Variants in TOX observed in about 807,000 individuals in gnomAD.
The protein encoded by TOX is thymocyte selection associated high mobility group box, also known as thymocyte selection-associated high mobility group box protein TOX.
TOX carries 11 observed loss-of-function variants against 53.7 expected under a neutral mutation model. The observed-to-expected ratio is 0.20, with a 90% CI of 0.13 to 0.34. The LOEUF (loss-of-function observed/expected upper bound fraction) is 0.34. Ranked by LOEUF, TOX falls within the 10% of genes least tolerant of loss-of-function variation. The pLI is 1.00. For missense variants in TOX, 570 were observed against 664.6 expected (o/e 0.86, Z 1.56); for synonymous variants, 225 against 245.3 (o/e 0.92, Z 0.77).
In TOX at chr8:59,051,214, C is replaced by T. The variant is rs189446253; in HGVS notation, c.102+67672G>A. 1.9e-3 allele frequency among the ~76,000 whole-genome samples: 283 copies of T among 152,160 alleles called. 2 individuals are homozygous for T. Among genetic ancestry groups the T allele is most frequent in the African/African-American group, 5.5e-3 (227 of 41,526 alleles). On this transcript the variant is annotated intron_variant, in intron 1 of 8. Transcript: ENST00000361421. ...CTGAAGAAAATGAGGCAGATTTGGT[C>T]CCTTAGAGAAGAAACAGATTTCCCA...
chr8:58,813,312 G>GA (rs1311557739), intron 7 of TOX, among the ~76,000 whole-genome samples: 2 of 152,128 alleles, frequency 1.3e-5, no homozygotes, highest in African/African-American at 4.8e-5. Context: ...TGATAAATCA[G>GA]AAAAAAAGAT....
intron 3 of TOX, among the ~76,000 whole-genome samples, chr8:58,894,408 A>T (rs1234491725): frequency 6.6e-6 from 1 of 152,248 alleles, no homozygotes; most frequent in Non-Finnish European, 1.5e-5. Context: ...TGAACTTTAA[A>T]CATAGATGTT....
intron 3 of TOX, among the ~76,000 whole-genome samples, chr8:58,855,765 A>G (rs1007513621): frequency 6.6e-6 from 1 of 152,224 alleles, no homozygotes; most frequent in African/African-American, 2.4e-5. Flanking sequence ...ACTCACACCT[A>G]TAACCATCCT....
At chr8:58,963,623 C>T (rs1002741193) in intron 1 of TOX, among the ~76,000 whole-genome samples, 12 of 152,330 alleles carry the variant, frequency 7.9e-5, no homozygotes, top group African/African-American at 2.4e-4. Flanking sequence ...ATCCCACCCA[C>T]ATAATCACAC....
intron 1 of TOX, among the ~76,000 whole-genome samples, chr8:59,072,604 T>G (rs1388371836): frequency 6.6e-6 from 1 of 152,198 alleles, no homozygotes; most frequent in Non-Finnish European, 1.5e-5. Context: ...GCCACGTAGT[T>G]GCATTTCACA....
chr8:58,990,101 A>G (rs1156556946), intron 1 of TOX, among the ~76,000 whole-genome samples: 1 of 152,204 alleles, frequency 6.6e-6, no homozygotes, highest in Non-Finnish European at 1.5e-5. Flanking sequence ...GCTCTTTCAA[A>G]TACTACCTCT....
intron 5 of TOX, among the ~76,000 whole-genome samples, 189 bp downstream of exon 5, chr8:58,837,892 C>T (rs1810572720): frequency 6.6e-6 from 1 of 152,148 alleles, no homozygotes; most frequent in Non-Finnish European, 1.5e-5. Context: ...AATCAACATG[C>T]TATTTATGGA....
intron 6 of TOX, among the ~76,000 whole-genome samples, chr8:58,825,727 G>A (rs1810355053): frequency 6.6e-6 from 1 of 152,114 alleles, no homozygotes; most frequent in African/African-American, 2.4e-5. Context: ...TTAATCCAAT[G>A]GCTATATTGA....
intron 1 of TOX, among the ~76,000 whole-genome samples, chr8:59,080,220 A>T (rs1804378667): frequency 6.6e-6 from 1 of 152,070 alleles, no homozygotes; most frequent in Non-Finnish European, 1.5e-5. Context: ...TGACCTCGTG[A>T]TCCACCTGCC....
intron 2 of TOX, among the ~76,000 whole-genome samples, chr8:58,957,171 C>T (rs376986494): frequency 1.2e-4 from 18 of 152,212 alleles, no homozygotes; most frequent in African/African-American, 4.3e-4. Flanking sequence ...TGCCTTTAGC[C>T]AGGGTTTGGA....
intron 1 of TOX, among the ~76,000 whole-genome samples, chr8:59,039,611 G>T (rs1803539860): frequency 6.6e-6 from 1 of 152,108 alleles, no homozygotes; most frequent in Admixed American, 6.5e-5. Context: ...CTTCCGACAG[G>T]ATAATGTCCT....
chr8:58,949,964 T>C (rs972726889), intron 2 of TOX, among the ~76,000 whole-genome samples: 3 of 90,808 alleles, frequency 3.3e-5, no homozygotes, highest in African/African-American at 1.2e-4. Flanking sequence ...TACAATTACA[T>C]GTGTATAGTT....
At chr8:59,057,218 T>C (rs139359648) in intron 1 of TOX, among the ~76,000 whole-genome samples, 23 of 152,278 alleles carry the variant, frequency 1.5e-4, no homozygotes, top group African/African-American at 5.1e-4. Flanking sequence ...AGGGAAAATA[T>C]TGAAACATAA....
chr8:59,105,249 G>A (rs1052513837), intron 1 of TOX, among the ~76,000 whole-genome samples: 1 of 152,124 alleles, frequency 6.6e-6, no homozygotes, highest in Non-Finnish European at 1.5e-5. Flanking sequence ...CCTTAAGTGA[G>A]GCAACCGAAA....
At chr8:58,971,884 T>G (rs769393337) in intron 1 of TOX, among the ~76,000 whole-genome samples, 1 of 152,192 alleles carries the variant, frequency 6.6e-6, no homozygotes, top group Non-Finnish European at 1.5e-5. Flanking sequence ...AGAGATGGGA[T>G]TTCACCATAA....
chr8:58,978,055 G>A (rs899429934), intron 1 of TOX, among the ~76,000 whole-genome samples: 4 of 152,206 alleles, frequency 2.6e-5, no homozygotes, highest in African/African-American at 9.7e-5. Context: ...ACAAGAAGGT[G>A]AGGTGCAATA....
intron 3 of TOX, among the ~76,000 whole-genome samples, chr8:58,898,098 G>A (rs1811681243): frequency 6.6e-6 from 1 of 152,112 alleles, no homozygotes; most frequent in South Asian, 2.1e-4. Flanking sequence ...TAAGCACATG[G>A]TAAACACATA....
chr8:59,084,577 T>C (rs1804475182), intron 1 of TOX, among the ~76,000 whole-genome samples: 1 of 152,216 alleles, frequency 6.6e-6, no homozygotes, highest in Non-Finnish European at 1.5e-5. Context: ...TGAGGGTTAT[T>C]TTTACTTACT....
At chr8:58,967,629 GA>G (rs1292443599) in intron 1 of TOX, among the ~76,000 whole-genome samples, 12 of 152,182 alleles carry the variant, frequency 7.9e-5, no homozygotes, top group Non-Finnish European at 1.0e-4. Context: ...AGAGTGCAGG[GA>G]AATTTCCTAT....
Sources: gnomAD v4.1 joint callset for allele counts (sites outside exome capture counted in the v4.1 genomes callset) on GRCh38, gnomAD v4.1.1 for gene constraint, MANE v1.5 for transcripts, NCBI Gene and HGNC (gene_info 2026-07-23, HGNC 2026-07-21) for gene names.